Variants in TBC1D5 observed in about 807,000 individuals in gnomAD.
The protein encoded by TBC1D5 is TBC1 domain family, member 5.
A neutral mutation model predicts 100.3 loss-of-function variants in TBC1D5; 75 were observed. That is an observed-to-expected ratio of 0.75 (90% CI 0.62 to 0.91). The LOEUF (loss-of-function observed/expected upper bound fraction) is 0.91. TBC1D5 is among the 40% of genes least tolerant of loss of function. The probability of loss-of-function intolerance (pLI) is 0.00; values close to 1 mark genes in which losing one functional copy is unlikely to be tolerated. For synonymous variants in TBC1D5, 323 were observed against 325.6 expected, an observed-to-expected ratio of 0.99 and a Z score of 0.09; for missense variants, 910 against 942.4, an observed-to-expected ratio of 0.97 and a Z score of 0.45.
intron 21 of TBC1D5, among the ~76,000 whole-genome samples, chr3:17,164,395 C>G (rs6801070): frequency 0.26 from 38,978 of 152,174 alleles, 5,478 homozygotes; most frequent in East Asian, 0.57. Flanking sequence ...CATGGCACAA[C>G]CCATCACAAA....
chr3:17,471,670 C>CAAAAAAAA (rs753132440), intron 3 of TBC1D5, among the ~76,000 whole-genome samples: 5 of 22,304 alleles, frequency 2.2e-4, no homozygotes, highest in African/African-American at 3.7e-4. Flanking sequence ...GACTCCGTCT[C>CAAAAAAAA]AAAAAAAAAA....
intron 1 of TBC1D5, among the ~76,000 whole-genome samples, chr3:17,637,110 C>T (rs2064019838): frequency 6.7e-6 from 1 of 150,150 alleles, no homozygotes; most frequent in South Asian, 2.1e-4. Flanking sequence ...CAACCTCCGC[C>T]TCCTGGGTTC....
chr3:17,728,177 C>T (rs142627271), intron 1 of TBC1D5, among the ~76,000 whole-genome samples: 5 of 152,206 alleles, frequency 3.3e-5, no homozygotes, highest in East Asian at 1.9e-4. Flanking sequence ...CAATGTTTAA[C>T]GGAGCAATAT....
intron 19 of TBC1D5, among the ~76,000 whole-genome samples, chr3:17,183,095 T>C (rs1186118957): frequency 6.6e-6 from 1 of 152,140 alleles, no homozygotes; most frequent in African/African-American, 2.4e-5. Context: ...CCAGTATGCC[T>C]GAGATGAAAC....
intron 2 of TBC1D5, among the ~76,000 whole-genome samples, chr3:17,584,689 T>A (rs1449145232): frequency 6.6e-6 from 1 of 152,126 alleles, no homozygotes; most frequent in African/African-American, 2.4e-5. Context: ...ATTTATTTAT[T>A]TTGAGATGCA....
chr3:17,419,060 A>T (rs1044649406), intron 4 of TBC1D5, among the ~76,000 whole-genome samples: 3 of 152,228 alleles, frequency 2.0e-5, no homozygotes, highest in Non-Finnish European at 4.4e-5. Context: ...ACAGATAACC[A>T]TAAATAAAGA....
At chr3:17,200,810 G>C (rs1227087794) in intron 18 of TBC1D5, among the ~76,000 whole-genome samples, 1 of 152,148 alleles carries the variant, frequency 6.6e-6, no homozygotes, top group Non-Finnish European at 1.5e-5. Context: ...AATTTCTCCT[G>C]AGCAACAAGC....
chr3:17,352,897 G>A (rs147195665), intron 13 of TBC1D5, among the ~76,000 whole-genome samples: 2 of 152,110 alleles, frequency 1.3e-5, no homozygotes, highest in Non-Finnish European at 2.9e-5. Flanking sequence ...ACCTACCGCT[G>A]TGCCCAGCAA....
At chr3:17,451,360 C>A (rs2094923286) in intron 3 of TBC1D5, among the ~76,000 whole-genome samples, 1 of 152,092 alleles carries the variant, frequency 6.6e-6, no homozygotes, top group African/African-American at 2.4e-5. Context: ...AGACACTTCA[C>A]AAAAGAAAAC....
chr3:17,327,726 CATTACCTAT>C (rs1330794944), intron 13 of TBC1D5, among the ~76,000 whole-genome samples: 1 of 152,134 alleles, frequency 6.6e-6, no homozygotes, highest in Non-Finnish European at 1.5e-5. Flanking sequence ...TACCGCCTAA[CATTACCTAT>C]ATTTCATGTT....
At chr3:17,437,186 C>T (rs1251582805) in intron 3 of TBC1D5, among the ~76,000 whole-genome samples, 1 of 152,156 alleles carries the variant, frequency 6.6e-6, no homozygotes, top group Non-Finnish European at 1.5e-5. Context: ...AAGGCCCTCA[C>T]CAGATGCTGG....
intron 17 of TBC1D5, among the ~76,000 whole-genome samples, chr3:17,237,557 TGA>T (rs1223867757): frequency 1.3e-5 from 2 of 152,220 alleles, no homozygotes; most frequent in Non-Finnish European, 2.9e-5. Context: ...ACTTACCCAT[TGA>T]GAGATATGGA....
At chr3:17,649,519 G>A (rs1210566660) in intron 1 of TBC1D5, among the ~76,000 whole-genome samples, 2 of 152,104 alleles carry the variant, frequency 1.3e-5, no homozygotes, top group African/African-American at 4.8e-5. Context: ...AGATATTTAT[G>A]CGGCGAACAA....
At chr3:17,693,085 G>A (rs899166527) in intron 1 of TBC1D5, among the ~76,000 whole-genome samples, 1 of 152,202 alleles carries the variant, frequency 6.6e-6, no homozygotes, top group Non-Finnish European at 1.5e-5. Flanking sequence ...CCTTGACCTT[G>A]GACTTCTCAG....
At chr3:17,735,895 T>C (rs951678462) in intron 1 of TBC1D5, among the ~76,000 whole-genome samples, 1 of 151,946 alleles carries the variant, frequency 6.6e-6, no homozygotes, top group Non-Finnish European at 1.5e-5. Flanking sequence ...AGTGGCAAGA[T>C]TTAATAGAGT....
chr3:17,325,982 T>TATAGTATTAA (rs1235347378), intron 13 of TBC1D5, among the ~76,000 whole-genome samples: 1 of 152,130 alleles, frequency 6.6e-6, no homozygotes, highest in Non-Finnish European at 1.5e-5. Context: ...CCTATATTAA[T>TATAGTATTAA]ATAGTATTAA....
chr3:17,327,764 C>T (rs1453023795), intron 13 of TBC1D5, among the ~76,000 whole-genome samples: 3 of 152,084 alleles, frequency 2.0e-5, no homozygotes, highest in Non-Finnish European at 4.4e-5. Flanking sequence ...TACTATGTCC[C>T]CCACTATAAC....
chr3:17,490,820 T>TA (rs2095631390), intron 3 of TBC1D5, among the ~76,000 whole-genome samples: 1 of 152,178 alleles, frequency 6.6e-6, no homozygotes, highest in Non-Finnish European at 1.5e-5. Context: ...AAATGAATTT[T>TA]AAAAGTTTTT....
intron 13 of TBC1D5, among the ~76,000 whole-genome samples, chr3:17,338,137 AT>A (rs1181762464): frequency 6.6e-6 from 1 of 152,238 alleles, no homozygotes; most frequent in Non-Finnish European, 1.5e-5. Flanking sequence ...TGAAGCAATA[AT>A]TTGTTGTTTA....
Sources: allele counts gnomAD v4.1 joint callset (sites outside exome capture counted in the v4.1 genomes callset), GRCh38; gene constraint gnomAD v4.1.1; transcripts MANE v1.5; gene names NCBI Gene and HGNC (gene_info 2026-07-23, HGNC 2026-07-21).